The following HPSE2 variants were observed in gnomAD, a reference collection of about 807,000 sequenced individuals.
HPSE2 encodes heparanase 2 (inactive), also known as inactive heparanase-2.
Under a neutral mutation model 60.5 loss-of-function variants are expected in HPSE2, and 38 were observed. That is an observed-to-expected ratio of 0.63 (90% confidence interval 0.48 to 0.82). HPSE2 has a LOEUF of 0.82. Among genes scored for constraint, HPSE2 ranks in the 40% least tolerant of loss-of-function variants. HPSE2 has a pLI of 0.00. For synonymous variants in HPSE2, 295 were observed against 293.2 expected (o/e 1.01, Z -0.06); for missense variants, 713 against 740.4 (o/e 0.96, Z 0.43).
At chr10:99,048,026 A>G (rs1957898668) in intron 3 of HPSE2, 1 of 689,378 alleles carries the variant, frequency 1.5e-6, no homozygotes, top group Admixed American at 2.1e-5. Context: ...CAAGGCTGCA[A>G]TTAATATGCT....
chr10:98,953,077 C>T (rs1318364338), intron 3 of HPSE2, among the ~76,000 whole-genome samples: 1 of 152,100 alleles, frequency 6.6e-6, no homozygotes, highest in Admixed American at 6.6e-5. Context: ...TGGAATGAGT[C>T]CTTGAGACTG....
intron 3 of HPSE2, among the ~76,000 whole-genome samples, chr10:98,900,925 A>G (rs1953649589): frequency 6.6e-6 from 1 of 152,218 alleles, no homozygotes; most frequent in South Asian, 2.1e-4. Flanking sequence ...AGTTTTATTA[A>G]TAGTAGCTAA....
At chr10:98,488,268 T>C (rs1941512495) in intron 10 of HPSE2, among the ~76,000 whole-genome samples, 1 of 152,242 alleles carries the variant, frequency 6.6e-6, no homozygotes, top group South Asian at 2.1e-4. Flanking sequence ...TCCTTCTGGC[T>C]GATGTCGTAA....
intron 3 of HPSE2, among the ~76,000 whole-genome samples, chr10:98,872,610 T>C (rs1051318400): frequency 2.0e-5 from 3 of 152,132 alleles, no homozygotes; most frequent in African/African-American, 4.8e-5. Flanking sequence ...TTTTAATCCA[T>C]AGGAAATTAA....
At chr10:99,224,920 G>A (rs1356746440) in intron 2 of HPSE2, among the ~76,000 whole-genome samples, 1 of 151,988 alleles carries the variant, frequency 6.6e-6, no homozygotes, top group African/African-American at 2.4e-5. Flanking sequence ...AGTATTTCTT[G>A]GTCTCTACCA....
chr10:98,852,439 C>G (rs1952204386), intron 3 of HPSE2, among the ~76,000 whole-genome samples: 1 of 152,092 alleles, frequency 6.6e-6, no homozygotes, highest in South Asian at 2.1e-4. Context: ...TCTTTAACTC[C>G]TGGGCTCAAG....
rs1589399407 is a variant in HPSE2 at position 98,940,570 on chromosome 10, C to T, written c.611-196514G>A. On this transcript the variant is annotated intron_variant, in intron 3 of 11. Transcript: ENST00000370552. ...TCTCTGAATAGACCAATAACAGGCTCTGAAATTGTGGCAATAATCAATAGC... is the reference window on the plus strand; with the variant it reads ...TCTCTGAATAGACCAATAACAGGCTTTGAAATTGTGGCAATAATCAATAGC... 1.4e-5 allele frequency among the ~76,000 whole-genome samples: 2 copies of T among 142,596 alleles called. 1 individual carries two copies. Among genetic ancestry groups the T allele is most frequent in the East Asian group, 4.0e-4 (2 of 5,024 alleles). 93.5% of individuals were successfully genotyped at this position (142,596 alleles called of 152,430 possible).
intron 3 of HPSE2, among the ~76,000 whole-genome samples, chr10:99,094,553 T>TACA (rs1843650017): frequency 3.3e-5 from 2 of 60,110 alleles, no homozygotes; most frequent in Non-Finnish European, 6.9e-5. Flanking sequence ...TTTTTTTTTT[T>TACA]TTTTTTTTTT....
chr10:98,914,985 A>G (rs1265591326), intron 3 of HPSE2, among the ~76,000 whole-genome samples: 5 of 151,746 alleles, frequency 3.3e-5, no homozygotes, highest in African/African-American at 1.2e-4. Flanking sequence ...AATCTCAACC[A>G]TTTAGAAAGT....
chr10:98,884,854 T>C (rs1346520728), intron 3 of HPSE2, among the ~76,000 whole-genome samples: 1 of 152,122 alleles, frequency 6.6e-6, no homozygotes, highest in Non-Finnish European at 1.5e-5. Flanking sequence ...CAAAGAGACT[T>C]GTGTTGTTTT....
chr10:98,706,696 T>C (rs1948556482), intron 5 of HPSE2, among the ~76,000 whole-genome samples: 1 of 152,114 alleles, frequency 6.6e-6, no homozygotes, highest in South Asian at 2.1e-4. Flanking sequence ...AAGAACAGCA[T>C]GAGCAAAACA....
At position 99,126,346 on chromosome 10, in the gene HPSE2, A is replaced by G. The variant is rs1007032630; in HGVS notation, c.610+17892T>C. Among the ~76,000 whole-genome samples, 1 of 151,802 alleles carries G rather than the reference A, an allele frequency of 6.6e-6. No individual in the cohort carries two copies. The highest frequency in any genetic ancestry group is 1.5e-5 in the Non-Finnish European group (1 of 67,938). On this transcript the variant is annotated intron_variant, in intron 3 of 11. Coordinates refer to ENST00000370552, the MANE Select transcript of HPSE2 (RefSeq NM_021828.5). This position sits in a 1 kb window ranked among gnomAD's most constrained non-coding sequence, Gnocchi z 4.0. ...CCCAGACTCACCTAACCCTGCCCCA[A>G]CCTGATGGTATTTCACTACCTGCCC...
chr10:99,068,800 C>G (rs1019535343), intron 3 of HPSE2, among the ~76,000 whole-genome samples: 1 of 152,060 alleles, frequency 6.6e-6, no homozygotes, highest in Non-Finnish European at 1.5e-5. Context: ...CACCACTGAT[C>G]CTACAGAAAT....
At chr10:98,593,068 A>G (rs918078868) in intron 9 of HPSE2, among the ~76,000 whole-genome samples, 3 of 152,222 alleles carry the variant, frequency 2.0e-5, no homozygotes, top group African/African-American at 7.2e-5. Context: ...ATAATACTTC[A>G]CTATGTACCT....
At chr10:98,796,691 G>A (rs1203038270) in intron 3 of HPSE2, among the ~76,000 whole-genome samples, 3 of 152,150 alleles carry the variant, frequency 2.0e-5, no homozygotes, top group Non-Finnish European at 4.4e-5. Flanking sequence ...ATGGCAGCCT[G>A]GTAAGTGGTT....
At chr10:98,645,560 C>T (rs557522842) in intron 6 of HPSE2, among the ~76,000 whole-genome samples, 86 of 152,332 alleles carry the variant, frequency 5.6e-4, no homozygotes, top group African/African-American at 2.0e-3. Context: ...GGAATCCTCA[C>T]ATTATACTGA....
chr10:99,140,956 G>C (rs1353741230), intron 3 of HPSE2, among the ~76,000 whole-genome samples: 1 of 152,194 alleles, frequency 6.6e-6, no homozygotes, highest in Non-Finnish European at 1.5e-5. Context: ...AGAATCGCTT[G>C]AACCCAGGAG....
At chr10:98,825,106 C>T (rs1487907935) in intron 3 of HPSE2, among the ~76,000 whole-genome samples, 2 of 152,172 alleles carry the variant, frequency 1.3e-5, no homozygotes, top group Non-Finnish European at 2.9e-5. Flanking sequence ...TAAAACCCTG[C>T]TGTAATACTT....
chr10:98,614,530 G>A (rs1945847724), intron 9 of HPSE2, among the ~76,000 whole-genome samples: 1 of 152,096 alleles, frequency 6.6e-6, no homozygotes, highest in Non-Finnish European at 1.5e-5. Context: ...CTGACCTCGT[G>A]ATCCACCCGC....
Sources: allele counts gnomAD v4.1 joint callset (sites outside exome capture counted in the v4.1 genomes callset), GRCh38; gene constraint gnomAD v4.1.1; non-coding constraint Gnocchi (gnomAD v3.1); transcripts MANE v1.5; gene names NCBI Gene and HGNC (gene_info 2026-07-23, HGNC 2026-07-21).